Variants in INPP4B observed in about 807,000 individuals in gnomAD.
The protein encoded by INPP4B is inositol polyphosphate-4-phosphatase type II B, also known as inositol polyphosphate 4-phosphatase type II.
INPP4B carries 55 observed loss-of-function variants against 122.5 expected under a neutral mutation model. The ratio of observed to expected loss-of-function variants is 0.45; its 90% CI spans 0.36 to 0.56. The LOEUF (loss-of-function observed/expected upper bound fraction) is 0.56. Among genes scored for constraint, INPP4B ranks in the 20% least tolerant of loss-of-function variants. The probability of loss-of-function intolerance (pLI) is 0.00; values close to 1 mark genes in which losing one functional copy is unlikely to be tolerated. For synonymous variants in INPP4B, 403 were observed against 388.7 expected, an observed-to-expected ratio of 1.04 and a Z score of -0.43; for missense variants, 1,000 against 1,097.7, an observed-to-expected ratio of 0.91 and a Z score of 1.26.
intron 14 of INPP4B, 50 bp downstream of exon 14, chr4:142,208,375 G>C: frequency 1.1e-6 from 1 of 925,538 alleles, no homozygotes; most frequent in Non-Finnish European, 1.7e-6. Context: ...GTTTACAGAA[G>C]TACACACTGT....
At chr4:142,436,228 C>T (rs1218712982) in intron 3 of INPP4B, among the ~76,000 whole-genome samples, 3 of 152,298 alleles carry the variant, frequency 2.0e-5, no homozygotes, top group Admixed American at 6.5e-5. Context: ...CAACTCCAGC[C>T]AGGTGCTCAG....
intron 1 of INPP4B, among the ~76,000 whole-genome samples, chr4:142,820,661 T>G (rs182483046): frequency 6.6e-6 from 1 of 152,254 alleles, no homozygotes; most frequent in East Asian, 1.9e-4. Flanking sequence ...ACAAATATAT[T>G]GTATACAAAG....
chr4:142,534,558 T>C (rs993646864), intron 2 of INPP4B, among the ~76,000 whole-genome samples: 3 of 152,078 alleles, frequency 2.0e-5, no homozygotes, highest in African/African-American at 7.2e-5. Context: ...CTGTTCTTTC[T>C]AAATTACCCA....
chr4:142,784,908 G>T (rs1197129238), intron 1 of INPP4B, among the ~76,000 whole-genome samples: 1 of 151,842 alleles, frequency 6.6e-6, no homozygotes, highest in African/African-American at 2.4e-5. Flanking sequence ...CACTTACAGC[G>T]ATAACAAAAA....
intron 1 of INPP4B, among the ~76,000 whole-genome samples, chr4:142,780,797 C>T (rs763911199): frequency 1.7e-4 from 26 of 151,608 alleles, no homozygotes; most frequent in Admixed American, 2.6e-4. Context: ...AACACCGTCT[C>T]GAAACAGAAA....
chr4:142,189,483 C>T (rs1834778599), intron 15 of INPP4B, among the ~76,000 whole-genome samples: 1 of 152,104 alleles, frequency 6.6e-6, no homozygotes, highest in Non-Finnish European at 1.5e-5. Context: ...TAATACATTA[C>T]TGTGGCCTAG....
At chr4:142,627,005 G>A (rs910106643) in intron 2 of INPP4B, among the ~76,000 whole-genome samples, 20 of 152,006 alleles carry the variant, frequency 1.3e-4, no homozygotes, top group Non-Finnish European at 7.4e-5. Flanking sequence ...ACTTTTGTAA[G>A]AGGCTGTATA....
At chr4:142,545,763 ATG>A (rs1365035358) in intron 2 of INPP4B, among the ~76,000 whole-genome samples, 2 of 144,768 alleles carry the variant, frequency 1.4e-5, no homozygotes, top group Non-Finnish European at 3.0e-5. Context: ...ACACATGTAT[ATG>A]TGTGTATATA....
intron 1 of INPP4B, among the ~76,000 whole-genome samples, chr4:142,734,185 G>A (rs991657443): frequency 6.6e-6 from 1 of 152,084 alleles, no homozygotes; most frequent in African/African-American, 2.4e-5. Flanking sequence ...AGAAAGACAC[G>A]AGGGATGCAT....
chr4:142,362,066 A>G (rs1055696175), intron 7 of INPP4B, among the ~76,000 whole-genome samples: 1 of 151,790 alleles, frequency 6.6e-6, no homozygotes, highest in African/African-American at 2.4e-5. Flanking sequence ...GATGTTAGAG[A>G]AGTTTAGAGG....
chr4:142,148,058 C>T (rs765732615), intron 17 of INPP4B, among the ~76,000 whole-genome samples: 5 of 152,066 alleles, frequency 3.3e-5, no homozygotes, highest in Admixed American at 6.6e-5. Context: ...TCACTACCAC[C>T]GACTGCATTT....
At chr4:142,086,297 G>C (rs2152546630) in intron 23 of INPP4B, 41 bp from the exon 24 acceptor site, 2 of 1,112,982 alleles carry the variant, frequency 1.8e-6, no homozygotes, top group East Asian at 2.4e-5. Context: ...AAATGAGACA[G>C]TGTTCACATT....
intron 25 of INPP4B, among the ~76,000 whole-genome samples, chr4:142,040,248 C>A (rs776062593): frequency 6.6e-6 from 1 of 152,064 alleles, no homozygotes; most frequent in Non-Finnish European, 1.5e-5. Context: ...GGTGAGGGAG[C>A]CCAATAGCAG....
chr4:142,531,999 C>T (rs1827671678), intron 2 of INPP4B, among the ~76,000 whole-genome samples: 1 of 152,042 alleles, frequency 6.6e-6, no homozygotes, highest in South Asian at 2.1e-4. Context: ...TGTTCTTTGC[C>T]ACCACCATCC....
intron 2 of INPP4B, among the ~76,000 whole-genome samples, chr4:142,722,952 T>TACA (rs1399381578): frequency 3.9e-5 from 6 of 152,146 alleles, no homozygotes; most frequent in Non-Finnish European, 7.4e-5. Flanking sequence ...AAATATAATC[T>TACA]GTAATAAACC....
At chr4:142,209,997 G>A (rs575617702) in intron 12 of INPP4B, among the ~76,000 whole-genome samples, 7 of 152,050 alleles carry the variant, frequency 4.6e-5, no homozygotes, top group Admixed American at 2.0e-4. Flanking sequence ...CTACCCTTTA[G>A]CCAAGTTAAT....
intron 12 of INPP4B, among the ~76,000 whole-genome samples, chr4:142,228,771 A>G (rs1852761633): frequency 6.6e-6 from 1 of 151,834 alleles, no homozygotes; most frequent in Admixed American, 6.6e-5. Flanking sequence ...ATCATGAAAT[A>G]TATACTGAAT....
intron 7 of INPP4B, among the ~76,000 whole-genome samples, chr4:142,381,484 C>T (rs1794056948): frequency 1.3e-5 from 2 of 152,156 alleles, no homozygotes; most frequent in Admixed American, 1.3e-4. Context: ...CCACTAGCCT[C>T]TGAATTGCAA....
intron 25 of INPP4B, among the ~76,000 whole-genome samples, chr4:142,047,422 G>T (rs1752147770): frequency 6.6e-6 from 1 of 151,912 alleles, no homozygotes; most frequent in African/African-American, 2.4e-5. Flanking sequence ...TTTTGTTTAG[G>T]CTTCTGCTAA....
Sources: gnomAD v4.1 joint callset for allele counts (sites outside exome capture counted in the v4.1 genomes callset) on GRCh38, gnomAD v4.1.1 for gene constraint, MANE v1.5 for transcripts, NCBI Gene and HGNC (gene_info 2026-07-23, HGNC 2026-07-21) for gene names.